The following DTNBP1 variants were observed in gnomAD, a reference collection of about 807,000 sequenced individuals.
DTNBP1 encodes dystrobrevin binding protein 1.
DTNBP1 carries 35 observed loss-of-function variants against 42.8 expected under a neutral mutation model. That is an observed-to-expected ratio of 0.82 (90% CI 0.63 to 1.09). The LOEUF (loss-of-function observed/expected upper bound fraction) is 1.09, where lower values mean the gene tolerates loss of function less well. DTNBP1 is among the 50% of genes least tolerant of loss of function. The pLI, the probability that DTNBP1 is intolerant of heterozygous loss-of-function variation, is 0.00. For synonymous variants in DTNBP1, 171 were observed against 162.2 expected, an observed-to-expected ratio of 1.05 and a Z score of -0.41; for missense variants, 457 against 424.2, an observed-to-expected ratio of 1.08 and a Z score of -0.68.
At chr6:15,546,823 G>A (rs1188906106) in intron 7 of DTNBP1, among the ~76,000 whole-genome samples, 3 of 152,000 alleles carry the variant, frequency 2.0e-5, no homozygotes, top group Admixed American at 6.5e-5. Flanking sequence ...ATGGTTCAAC[G>A]CCATTTGAAA....
chr6:15,523,562 C>A, intron 9 of DTNBP1: 1 of 1,183,676 alleles, frequency 8.4e-7, no homozygotes, highest in Non-Finnish European at 1.1e-6. Flanking sequence ...ATCTAGATTT[C>A]TTTTTTTTTT....
chr6:15,608,279 A>AC (rs1043373349), intron 6 of DTNBP1, among the ~76,000 whole-genome samples: 9 of 148,998 alleles, frequency 6.0e-5, no homozygotes, highest in South Asian at 2.1e-4. Flanking sequence ...TTTAAAAAAA[A>AC]ACACACACAT....
At chr6:15,552,985 A>G (rs954185001) in intron 7 of DTNBP1, among the ~76,000 whole-genome samples, 1 of 152,228 alleles carries the variant, frequency 6.6e-6, no homozygotes, top group Non-Finnish European at 1.5e-5. Context: ...CCTTAAGGAA[A>G]AAGTTTCATC....
At chr6:15,627,786 T>C (rs1308092943) in intron 4 of DTNBP1, among the ~76,000 whole-genome samples, 1 of 136,918 alleles carries the variant, frequency 7.3e-6, no homozygotes, top group African/African-American at 2.9e-5. Flanking sequence ...AAAAGCTAAA[T>C]CTAGAAAAAA....
chr6:15,566,973 G>C (rs1300527666), intron 7 of DTNBP1, among the ~76,000 whole-genome samples: 15 of 152,146 alleles, frequency 9.9e-5, no homozygotes, highest in Admixed American at 9.8e-4. Flanking sequence ...TTACAGGCGT[G>C]AGCCATTATG....
chr6:15,626,188 T>C (rs1254825146), intron 5 of DTNBP1, among the ~76,000 whole-genome samples: 3 of 152,238 alleles, frequency 2.0e-5, no homozygotes, highest in African/African-American at 4.8e-5. Context: ...TCTGAGCAAG[T>C]TGCAACCTCT....
intron 7 of DTNBP1, among the ~76,000 whole-genome samples, chr6:15,540,517 T>C (rs1373984145): frequency 1.3e-5 from 2 of 152,214 alleles, no homozygotes; most frequent in African/African-American, 4.8e-5. Context: ...GCTTTAAAAG[T>C]TTGATTCTCT....
chr6:15,595,312 T>C lies in DTNBP1; in HGVS notation c.489-2231A>G, dbSNP rs1472846284. The C allele has an allele frequency of 7.5e-6, 3 of 400,752 alleles. No homozygotes were observed. The Admixed American group carries it at 9.5e-5, about 13-fold the overall frequency. The allele number at this position is 400,752 out of a possible 1,614,324, so 24.8% of individuals were successfully genotyped here. On this transcript the variant is annotated intron_variant, in intron 6 of 9. Transcript: ENST00000344537. ...CAGAGTCTTGCTCTGTCACCCAGGC[T>C]GGAGTGCAGCGGTGTGATCTTGGCT...
intron 7 of DTNBP1, among the ~76,000 whole-genome samples, chr6:15,566,559 A>G (rs1013904720): frequency 1.3e-5 from 2 of 152,088 alleles, no homozygotes; most frequent in African/African-American, 2.4e-5. Flanking sequence ...TACCACTCCA[A>G]CCTGACTCTA....
At chr6:15,641,133 CT>C (rs528121045) in intron 3 of DTNBP1, among the ~76,000 whole-genome samples, 1 of 152,352 alleles carries the variant, frequency 6.6e-6, no homozygotes, top group East Asian at 1.9e-4. Flanking sequence ...CTTTGTTCCC[CT>C]TTCCCTCTTG....
chr6:15,559,425 C>G (rs1026341083), intron 7 of DTNBP1, among the ~76,000 whole-genome samples: 3 of 152,134 alleles, frequency 2.0e-5, no homozygotes, highest in Non-Finnish European at 4.4e-5. Context: ...AACAACAAAC[C>G]ATTTCTCAAT....
At chr6:15,623,044 A>G (rs563168901) in intron 5 of DTNBP1, among the ~76,000 whole-genome samples, 16 of 152,338 alleles carry the variant, frequency 1.1e-4, no homozygotes, top group African/African-American at 3.4e-4. Context: ...TTATGTACTA[A>G]GGTAATAAGG....
intron 1 of DTNBP1, among the ~76,000 whole-genome samples, chr6:15,656,276 T>C (rs747307647): frequency 6.6e-6 from 1 of 152,174 alleles, no homozygotes; most frequent in Non-Finnish European, 1.5e-5. Context: ...CATGAACACA[T>C]AAGTGCTGTG....
chr6:15,625,769 G>T (rs981011504), intron 5 of DTNBP1, among the ~76,000 whole-genome samples: 1 of 152,154 alleles, frequency 6.6e-6, no homozygotes, highest in Non-Finnish European at 1.5e-5. Flanking sequence ...GAACATGTCT[G>T]CAAAGAAACA....
intron 4 of DTNBP1, among the ~76,000 whole-genome samples, chr6:15,630,306 TGTTATCTGCCCAA>T (rs1378014283): frequency 2.0e-5 from 3 of 152,192 alleles, no homozygotes; most frequent in Non-Finnish European, 1.5e-5. Flanking sequence ...AGAGAGGCCA[TGTTATCTGCCCAA>T]GGTCAACAGG....
intron 7 of DTNBP1, among the ~76,000 whole-genome samples, chr6:15,538,123 C>G (rs925528243): frequency 9.2e-5 from 14 of 152,146 alleles, no homozygotes; most frequent in Non-Finnish European, 1.0e-4. Context: ...TACCCTGTGC[C>G]TAGGTGATGT....
intron 7 of DTNBP1, among the ~76,000 whole-genome samples, chr6:15,579,563 T>G (rs1048513668): frequency 6.6e-6 from 1 of 152,224 alleles, no homozygotes; most frequent in Non-Finnish European, 1.5e-5. Flanking sequence ...TCCAGCACTT[T>G]GAAGGCCAAG....
chr6:15,649,020 G>T (rs1171804215), intron 3 of DTNBP1, among the ~76,000 whole-genome samples: 1 of 152,070 alleles, frequency 6.6e-6, no homozygotes, highest in African/African-American at 2.4e-5. Context: ...AGCGAGCGTT[G>T]GTGAGGATAG....
chr6:15,619,433 A>C (rs1413537181), intron 5 of DTNBP1, among the ~76,000 whole-genome samples: 1 of 152,198 alleles, frequency 6.6e-6, no homozygotes, highest in East Asian at 1.9e-4. Context: ...ATTGCAGAAC[A>C]TACATGATAA....
Sources: allele counts gnomAD v4.1 joint callset (sites outside exome capture counted in the v4.1 genomes callset), GRCh38; gene constraint gnomAD v4.1.1; transcripts MANE v1.5; gene names NCBI Gene and HGNC (gene_info 2026-07-23, HGNC 2026-07-21).